The following PLCB1 variants were observed in gnomAD, a reference collection of about 807,000 sequenced individuals.
The protein encoded by PLCB1 is phospholipase C beta 1.
A neutral mutation model predicts 161.8 loss-of-function variants in PLCB1; 46 were observed. The observed-to-expected ratio is 0.28, with a 90% CI of 0.22 to 0.36. The LOEUF is 0.36. PLCB1 is among the 10% of genes least tolerant of loss of function. The pLI, the probability that PLCB1 is intolerant of heterozygous loss-of-function variation, is 1.00. For synonymous variants in PLCB1, 517 were observed against 503.7 expected (o/e 1.03, Z -0.35); for missense variants, 1,016 against 1,472.5 (o/e 0.69, Z 5.07).
chr20:8,227,355 A>T (rs1037126593), intron 2 of PLCB1, among the ~76,000 whole-genome samples: 5 of 152,184 alleles, frequency 3.3e-5, no homozygotes, highest in African/African-American at 1.2e-4. Context: ...CTTGTTTCCC[A>T]CTGCCACTTG....
Position 8,214,727 on chromosome 20 carries a change from G to A in PLCB1, c.177+64356G>A, listed in dbSNP as rs780383215. On this transcript the variant is annotated intron_variant, in intron 2 of 31. Coordinates refer to ENST00000338037, the MANE Select transcript of PLCB1 (RefSeq NM_015192.4). ...TAATGTCACCTCATTCTTTTTTCAT[G>A]TGATAATATCCTCTGATGTGGCCTG... Among the ~76,000 whole-genome samples the A allele has an allele frequency of 5.9e-4, 90 of 151,904 alleles. 1 individual carries two copies. The highest frequency in any genetic ancestry group is 2.6e-4 in the Non-Finnish European group (18 of 67,972).
At chr20:8,872,297 ATTC>A (rs1385141077) in intron 31 of PLCB1, among the ~76,000 whole-genome samples, 3 of 152,348 alleles carry the variant, frequency 2.0e-5, no homozygotes, top group African/African-American at 7.2e-5. Flanking sequence ...AATGGCCTGT[ATTC>A]TTCTACATTG....
intron 3 of PLCB1, among the ~76,000 whole-genome samples, chr20:8,422,392 C>T (rs1188028966): frequency 1.3e-5 from 2 of 152,154 alleles, no homozygotes; most frequent in African/African-American, 4.8e-5. Flanking sequence ...AAAATGCCTG[C>T]AGAAATATCT....
At chr20:8,705,315 A>C (rs192449278) in intron 11 of PLCB1, among the ~76,000 whole-genome samples, 1 of 152,314 alleles carries the variant, frequency 6.6e-6, no homozygotes, top group African/African-American at 2.4e-5. Context: ...ATAGAAGAAT[A>C]AATGGGAACA....
At chr20:8,843,457 G>T (rs1004291421) in intron 31 of PLCB1, among the ~76,000 whole-genome samples, 8 of 152,052 alleles carry the variant, frequency 5.3e-5, no homozygotes, top group African/African-American at 1.9e-4. Flanking sequence ...TAAATATTAG[G>T]CCAGTAATTT....
intron 2 of PLCB1, among the ~76,000 whole-genome samples, chr20:8,264,338 C>T (rs890305867): frequency 2.0e-5 from 3 of 152,166 alleles, no homozygotes; most frequent in Admixed American, 6.5e-5. Flanking sequence ...TCTGAAATTG[C>T]CACTGAAGGA....
Position 8,712,251 on chromosome 20 carries a change from C to T in PLCB1, c.1250+3499C>T, listed in dbSNP as rs577535717. 8.0e-4 allele frequency among the ~76,000 whole-genome samples: 122 copies of T among 152,012 alleles called. 1 individual carries two copies. The highest frequency in any genetic ancestry group is 2.5e-3 in the African/African-American group (104 of 41,452). The stretch of plus-strand genomic sequence containing the variant: ...CAGAGGCTGCAGTGAGCTGAGATCA[C>T]GCCACTGCACTCCAGCCTGGGTGAC... On this transcript the variant is annotated intron_variant, in intron 12 of 31. Coordinates refer to ENST00000338037, the MANE Select transcript of PLCB1 (RefSeq NM_015192.4).
intron 3 of PLCB1, among the ~76,000 whole-genome samples, chr20:8,591,196 T>C (rs1269528032): frequency 6.6e-6 from 1 of 152,136 alleles, no homozygotes; most frequent in Non-Finnish European, 1.5e-5. Context: ...GTGTATAAGA[T>C]CAGCTGCTAG....
At chr20:8,842,717 G>A (rs113627601) in intron 31 of PLCB1, among the ~76,000 whole-genome samples, 11 of 152,248 alleles carry the variant, frequency 7.2e-5, no homozygotes, top group South Asian at 4.1e-4. Flanking sequence ...GCAAGCAGGC[G>A]GTGCGTGACT....
intron 2 of PLCB1, among the ~76,000 whole-genome samples, chr20:8,274,476 G>A (rs1982432212): frequency 6.6e-6 from 1 of 151,214 alleles, no homozygotes; most frequent in African/African-American, 2.4e-5. Flanking sequence ...TTTGTTACTT[G>A]TGTCGTTTTT....
intron 3 of PLCB1, among the ~76,000 whole-genome samples, chr20:8,484,657 T>C (rs1235390837): frequency 6.6e-6 from 1 of 152,226 alleles, no homozygotes; most frequent in East Asian, 1.9e-4. Context: ...AGCTTCTTCT[T>C]TCTTGTCATG....
intron 2 of PLCB1, among the ~76,000 whole-genome samples, chr20:8,341,757 A>G (rs781656466): frequency 3.9e-5 from 6 of 152,202 alleles, no homozygotes; most frequent in South Asian, 4.1e-4. Context: ...ACATTTGTCA[A>G]TAATGATCCC....
chr20:8,638,173 C>T (rs1988826358), intron 4 of PLCB1, among the ~76,000 whole-genome samples: 1 of 152,294 alleles, frequency 6.6e-6, no homozygotes, highest in Non-Finnish European at 1.5e-5. Flanking sequence ...GGATTACAGG[C>T]GTGAGCCACC....
chr20:8,395,177 A>G (rs905730000), intron 3 of PLCB1, among the ~76,000 whole-genome samples: 14 of 152,124 alleles, frequency 9.2e-5, no homozygotes, highest in African/African-American at 3.4e-4. Context: ...ACATACAAAC[A>G]ATATGGGAAA....
At chr20:8,770,589 T>C (rs1165681666) in intron 26 of PLCB1, among the ~76,000 whole-genome samples, 1 of 152,140 alleles carries the variant, frequency 6.6e-6, no homozygotes, top group Non-Finnish European at 1.5e-5. Flanking sequence ...TAGGGAGACA[T>C]GAGACATCAC....
At chr20:8,766,424 C>G (rs781654257) in intron 26 of PLCB1, among the ~76,000 whole-genome samples, 1 of 152,086 alleles carries the variant, frequency 6.6e-6, no homozygotes, top group Admixed American at 6.6e-5. Context: ...GAGACTTACT[C>G]CAGGCTGAGG....
chr20:8,814,332 G>T (rs781551623), intron 31 of PLCB1, among the ~76,000 whole-genome samples: 2 of 152,160 alleles, frequency 1.3e-5, no homozygotes, highest in African/African-American at 4.8e-5. Context: ...AGCTAATTTA[G>T]TTGAGAAACC....
intron 2 of PLCB1, among the ~76,000 whole-genome samples, chr20:8,230,135 T>A (rs6055676): frequency 6.9e-6 from 1 of 144,846 alleles, no homozygotes; most frequent in South Asian, 2.2e-4. Flanking sequence ...TGAAACAGAA[T>A]GTGCAATTCA....
chr20:8,338,525 A>G lies in PLCB1; in HGVS notation c.178-32857A>G, dbSNP rs6055755. Among the ~76,000 whole-genome samples the G allele has an allele frequency of 3.4e-3, 523 of 152,352 alleles. 3 individuals are homozygous for G. Among genetic ancestry groups the G allele is most frequent in the African/African-American group, 0.012 (485 of 41,584 alleles). ...TTGATGATGGTCAAGTCTAAGGAGCAGAGCTAGAACAAAGATGAACTTAAA... is the reference window on the plus strand; with the variant it reads ...TTGATGATGGTCAAGTCTAAGGAGCGGAGCTAGAACAAAGATGAACTTAAA... On this transcript the variant is annotated intron_variant, in intron 2 of 31. Coordinates refer to ENST00000338037, the MANE Select transcript of PLCB1 (RefSeq NM_015192.4).
Sources: allele counts gnomAD v4.1 joint callset (sites outside exome capture counted in the v4.1 genomes callset), GRCh38; gene constraint gnomAD v4.1.1; transcripts MANE v1.5; gene names NCBI Gene and HGNC (gene_info 2026-07-23, HGNC 2026-07-21).